ANKMY1: variants seen among roughly 807,000 people sequenced by gnomAD.
The protein encoded by ANKMY1 is ankyrin repeat and MYND domain-containing protein 1.
ANKMY1 carries 98 observed loss-of-function variants against 102.0 expected under a neutral mutation model. The observed-to-expected ratio is 0.96, with a 90% CI of 0.82 to 1.14. ANKMY1 has a LOEUF of 1.14. ANKMY1 is among the 50% of genes most tolerant of loss of function. ANKMY1 has a pLI of 0.00. For synonymous variants in ANKMY1, 582 were observed against 559.9 expected (o/e 1.04, Z -0.56); for missense variants, 1,330 against 1,347.6 (o/e 0.99, Z 0.20).
intron 15 of ANKMY1, among the ~76,000 whole-genome samples, chr2:240,483,046 A>G (rs778356495): frequency 1.3e-5 from 2 of 152,054 alleles, no homozygotes; most frequent in Non-Finnish European, 2.9e-5. Context: ...CCTCTTTCTC[A>G]CCAGTAGCAT....
Position 240,524,088 on chromosome 2 carries a change from T to TC in ANKMY1, c.1628dup (p.Asn544LysfsTer11), listed in dbSNP as rs775183434. 1.9e-6 allele frequency: 3 copies of TC among 1,614,088 alleles called. No homozygotes were observed. In the East Asian group the frequency reaches 6.7e-5, roughly 36 times the overall value. ...TGCACAGACTGCCCCGGTCTGTGTT[T>TC]CCCAACACGTCCTCAAGCCCGCTTT... On this transcript the variant is annotated frameshift_variant, in exon 8 of 18. Transcript: ENST00000401804. LOFTEE classifies it high-confidence loss of function.
chr2:240,556,542 C>T (rs1438215359), intron 2 of ANKMY1, among the ~76,000 whole-genome samples: 3 of 152,232 alleles, frequency 2.0e-5, no homozygotes, highest in Non-Finnish European at 2.9e-5. Context: ...CACCCTTTCA[C>T]TGTTTCGCCC....
chr2:240,514,125 A>T (rs1007284865), intron 9 of ANKMY1, among the ~76,000 whole-genome samples: 15 of 152,218 alleles, frequency 9.9e-5, no homozygotes, highest in Non-Finnish European at 2.1e-4. Flanking sequence ...GCAATAACTG[A>T]GCTAATAACA....
At position 240,481,007 on chromosome 2, in the gene ANKMY1, G is replaced by T. The variant is rs1024263396; in HGVS notation, c.2976C>A (p.Cys992Ter). The T allele has an allele frequency of 1.2e-6, 2 of 1,613,874 alleles. No individual in the cohort carries two copies. The highest frequency in any genetic ancestry group is 1.3e-5 in the African/African-American group (1 of 74,926). Reference sequence around the variant, plus strand: ...AGGCCTTGGTCTTGCAGTACTTGCTGCAGGTCAGGATCCCGTAGCAGCGAG... The same window carrying T: ...AGGCCTTGGTCTTGCAGTACTTGCTTCAGGTCAGGATCCCGTAGCAGCGAG... ...PCPRCYGILT[C>*]SKYCKTKAWT... The change falls in exon 17 of 18, where the codon TGC becomes TGA. Residue 992 changes from cysteine to a stop codon, truncating the protein, a stop_gained. Coordinates refer to ENST00000401804, the MANE Select transcript of ANKMY1 (RefSeq NM_001282771.3). LOFTEE classifies it high-confidence loss of function.
chr2:240,520,743 C>A lies in ANKMY1; in HGVS notation c.1833-210G>T, dbSNP rs1412949882. On this transcript the variant is annotated intron_variant, in intron 8 of 17. Coordinates refer to ENST00000401804, the MANE Select transcript of ANKMY1 (RefSeq NM_001282771.3). This position sits in a 1 kb window ranked among gnomAD's most constrained non-coding sequence, Gnocchi z 4.8. Reference sequence around the variant, plus strand: ...CACAAGCCACACCAGAGCGCACACACACGGCACACACAGCACACCACACAG... The same window carrying A: ...CACAAGCCACACCAGAGCGCACACAAACGGCACACACAGCACACCACACAG... Among the ~76,000 whole-genome samples, 1 of 151,608 alleles carries A rather than the reference C, an allele frequency of 6.6e-6. No individual in the cohort carries two copies. The highest frequency in any genetic ancestry group is 1.5e-5 in the Non-Finnish European group (1 of 67,848).
intron 4 of ANKMY1, among the ~76,000 whole-genome samples, chr2:240,542,854 T>C (rs973671443): frequency 1.3e-5 from 2 of 150,252 alleles, no homozygotes; most frequent in African/African-American, 4.9e-5. Flanking sequence ...TTAAGGTAAA[T>C]TTATGAATTG....
At chr2:240,524,523 C>T (rs563823686) in intron 7 of ANKMY1, 142 bp from the exon 8 acceptor site, 3 of 943,358 alleles carry the variant, frequency 3.2e-6, no homozygotes, top group South Asian at 3.5e-5. Context: ...GCAGCTTTCC[C>T]CAAACCCTCA....
intron 9 of ANKMY1, among the ~76,000 whole-genome samples, chr2:240,519,575 G>A (rs949841995): frequency 5.3e-5 from 8 of 152,184 alleles, no homozygotes; most frequent in African/African-American, 1.9e-4. Context: ...TTCCAGAGCA[G>A]TGGAAATTCG....
Position 240,509,037 on chromosome 2 carries a change from GATGGATGA to G in ANKMY1, c.2394+303_2394+310del, listed in dbSNP as rs146473430. Among the ~76,000 whole-genome samples, 1,015 of 152,254 alleles carry G rather than the reference GATGGATGA, an allele frequency of 6.7e-3. 11 individuals are homozygous for G. The highest frequency in any genetic ancestry group is 0.022 in the African/African-American group (924 of 41,540). On this transcript the variant is annotated intron_variant, in intron 12 of 17. Transcript: ENST00000401804. Reference sequence around the variant, plus strand: ...AAGTGGGTGGGTAGTTGGGTGGAAGGATGGATGAATGGATGAGTGGAGGGTAGATGGAT... The same window carrying G: ...AAGTGGGTGGGTAGTTGGGTGGAAGGATGGATGAGTGGAGGGTAGATGGAT...
At position 240,507,568 on chromosome 2, in the gene ANKMY1, G is replaced by C; in HGVS notation, c.2518C>G (p.Leu840Val). 1.2e-6 allele frequency: 2 copies of C among 1,607,752 alleles called. No individual in the cohort carries two copies. Among genetic ancestry groups the C allele is most frequent in the Non-Finnish European group, 1.7e-6 (2 of 1,177,060 alleles). ...AGCCTCCTGCCCCTCACCAGGGCCA[G>C]CTTGCTGTCCATGTTCCTCTGGTGC... is the stretch of plus-strand genomic sequence containing the variant. Reference protein sequence around the residue: ...YEHQRNMDSKLALIDRLISHG... With the variant: ...YEHQRNMDSKVALIDRLISHG... The change falls in exon 13 of 18, where the codon CTG becomes GTG. Residue 840 changes from leucine to valine, a missense_variant. By Grantham distance (32) the Leu-to-Val change is conservative. Transcript: ENST00000401804.
At chr2:240,493,968 T>C (rs2076941351) in intron 15 of ANKMY1, among the ~76,000 whole-genome samples, 1 of 152,190 alleles carries the variant, frequency 6.6e-6, no homozygotes, top group African/African-American at 2.4e-5. Flanking sequence ...AAACAGTGTG[T>C]ACTGATGTTG....
intron 5 of ANKMY1, among the ~76,000 whole-genome samples, chr2:240,528,153 G>A (rs2084319165): frequency 6.6e-6 from 1 of 151,880 alleles, no homozygotes; most frequent in Non-Finnish European, 1.5e-5. Flanking sequence ...TGGGCGTGGT[G>A]GCAGGCACCT....
chr2:240,469,334 C>T, the ANKMY1 span, among the ~76,000 whole-genome samples: 1 of 152,192 alleles, frequency 6.6e-6, no homozygotes, highest in African/African-American at 2.4e-5. Flanking sequence ...CCCGGCCACA[C>T]CTCAGACCAC....
chr2:240,556,499 A>G (rs761138755), intron 2 of ANKMY1, among the ~76,000 whole-genome samples: 1 of 152,206 alleles, frequency 6.6e-6, no homozygotes. Context: ...ACTGAAACCA[A>G]TATTGCTATA....
intron 13 of ANKMY1, 95 bp from the exon 14 acceptor site, chr2:240,500,660 TC>T: frequency 9.2e-7 from 1 of 1,083,068 alleles, no homozygotes; most frequent in Non-Finnish European, 1.4e-6. Flanking sequence ...TCACCTGCAG[TC>T]CCCACCAAGG....
intron 8 of ANKMY1, 119 bp downstream of exon 8, chr2:240,523,762 TCAGA>T (rs2082782487): frequency 7.0e-7 from 1 of 1,420,632 alleles, no homozygotes; most frequent in East Asian, 2.5e-5. Context: ...GCTCACACAT[TCAGA>T]CACACATCTC....
At chr2:240,560,813 G>T, upstream of ANKMY1, 1 of 1,439,294 alleles carries the variant, frequency 6.9e-7, no homozygotes, top group South Asian at 1.4e-5. Context: ...TGGCGCGCGC[G>T]GGAGTCACGC....
intron 15 of ANKMY1, 81 bp from the exon 16 acceptor site, chr2:240,482,342 C>T: frequency 7.9e-7 from 1 of 1,265,804 alleles, no homozygotes; most frequent in Non-Finnish European, 1.1e-6. Flanking sequence ...CTTGCGCCCT[C>T]CCTGTGGTGC....
At position 240,524,304 on chromosome 2, in the gene ANKMY1, C is replaced by T. The variant is rs776799877; in HGVS notation, c.1413G>A (p.Glu471=). Residue 471 remains glutamate, a synonymous_variant, in exon 8 of 18, where the codon GAG becomes GAA. Transcript: ENST00000401804. The stretch of plus-strand genomic sequence containing the variant: ...AGCTACCCTGGGAAGGCACGTTCAC[C>T]TCATAGTACAGAGACTCCAGGTTTG... ...MDTNLESLYY[E]VNVPSQGSYE... 6.2e-7 allele frequency: 1 copy of T among 1,613,800 alleles called. No individual in the cohort carries two copies. Among genetic ancestry groups the T allele is most frequent in the Admixed American group, 1.7e-5 (1 of 60,028 alleles).
Sources: gnomAD v4.1 joint callset for allele counts (sites outside exome capture counted in the v4.1 genomes callset) on GRCh38, gnomAD v4.1.1 for gene constraint, Gnocchi (gnomAD v3.1) non-coding constraint, MANE v1.5 for transcripts, NCBI Gene and HGNC (gene_info 2026-07-23, HGNC 2026-07-21) for gene names.